Variants in ACYP2 observed in about 807,000 individuals in gnomAD.
ACYP2 encodes the protein acylphosphatase-2.
ACYP2 carries 12 observed loss-of-function variants against 11.2 expected under a neutral mutation model. The observed-to-expected ratio is 1.08, with a 90% confidence interval of 0.69 to 1.74. The LOEUF is 1.74. ACYP2 is among the 40% of genes most tolerant of loss of function. The pLI is 0.00. For synonymous variants in ACYP2, 43 were observed against 32.2 expected, an observed-to-expected ratio of 1.33 and a Z score of -1.13; for missense variants, 134 against 101.9, an observed-to-expected ratio of 1.31 and a Z score of -1.35.
chr2:54,207,171 ATATGTGTGTGTGTG>A (rs1685108047), intron 6 of ACYP2, among the ~76,000 whole-genome samples: 3 of 68,466 alleles, frequency 4.4e-5, no homozygotes, highest in African/African-American at 1.4e-4. Context: ...TACAACATGT[ATATGTGTGTGTGTG>A]TGTGTGTGTG....
chr2:54,286,605 G>A (rs843726), intron 6 of ACYP2, among the ~76,000 whole-genome samples: 37,837 of 151,964 alleles, frequency 0.25, 5,347 homozygotes, highest in Non-Finnish European at 0.31. Flanking sequence ...AAGATGATCC[G>A]TTTTTACACT....
intron 2 of ACYP2, among the ~76,000 whole-genome samples, chr2:54,035,265 C>CTTTTTTTT (rs895749612): frequency 4.0e-5 from 5 of 126,026 alleles, no homozygotes; most frequent in East Asian, 2.3e-4. Flanking sequence ...TTTTCTTTTT[C>CTTTTTTTT]TTTTTTTTTT....
intron 4 of ACYP2, 80 bp downstream of exon 1, chr2:54,115,836 A>G (rs1216745637): frequency 1.2e-5 from 17 of 1,411,338 alleles, no homozygotes; most frequent in East Asian, 2.9e-5. Context: ...CCTCCCACCT[A>G]AAGTATGCCT....
chr2:53,984,643 T>C (rs1307443472), intron 2 of ACYP2, among the ~76,000 whole-genome samples: 1 of 149,748 alleles, frequency 6.7e-6, no homozygotes, highest in Non-Finnish European at 1.5e-5. Flanking sequence ...ATATATAGCA[T>C]ATATATAAAA....
intron 6 of ACYP2, among the ~76,000 whole-genome samples, chr2:54,143,746 T>G (rs1681736825): frequency 8.2e-6 from 1 of 121,378 alleles, no homozygotes; most frequent in African/African-American, 3.4e-5. Flanking sequence ...TTTTTTTTTT[T>G]TTTTTTTTTT....
chr2:54,065,253 GA>G (rs1280199189), intron 4 of ACYP2, among the ~76,000 whole-genome samples: 2 of 152,168 alleles, frequency 1.3e-5, no homozygotes, highest in African/African-American at 4.8e-5. Context: ...GAAAGTTAAG[GA>G]AAAGAGAGGC....
At chr2:53,975,173 T>G in intron 2 of ACYP2, 2 of 385,326 alleles carry the variant, frequency 5.2e-6, no homozygotes, top group Non-Finnish European at 9.1e-6. Context: ...TGCAGTGAGC[T>G]GAGATCACAC....
chr2:54,042,311 TC>T (rs1353337622), intron 2 of ACYP2, among the ~76,000 whole-genome samples: 1 of 152,208 alleles, frequency 6.6e-6, no homozygotes. Context: ...CAGCCCAAAC[TC>T]ACTTTATTCT....
At chr2:54,043,481 A>C (rs562754582) in intron 2 of ACYP2, among the ~76,000 whole-genome samples, 2 of 152,188 alleles carry the variant, frequency 1.3e-5, no homozygotes, top group Non-Finnish European at 2.9e-5. Flanking sequence ...CTGACTTTCA[A>C]ATGCCCTGCA....
At chr2:54,067,284 A>G (rs553255419) in intron 4 of ACYP2, among the ~76,000 whole-genome samples, 2 of 152,296 alleles carry the variant, frequency 1.3e-5, no homozygotes, top group East Asian at 1.9e-4. Flanking sequence ...CTACATCTTC[A>G]TATTTTTTTC....
chr2:54,260,437 C>G (rs943836715), intron 6 of ACYP2, among the ~76,000 whole-genome samples: 1 of 152,084 alleles, frequency 6.6e-6, no homozygotes, highest in African/African-American at 2.4e-5. Context: ...GAATTTTTCT[C>G]CAGCCGCATT....
chr2:54,078,337 A>C (rs1416107517), intron 4 of ACYP2, among the ~76,000 whole-genome samples: 2 of 150,404 alleles, frequency 1.3e-5, no homozygotes, highest in Non-Finnish European at 3.0e-5. Flanking sequence ...CCCAATAAGA[A>C]GTGATATCTT....
chr2:54,139,925 C>T (rs1277517820), intron 6 of ACYP2, among the ~76,000 whole-genome samples: 2 of 152,100 alleles, frequency 1.3e-5, no homozygotes, highest in Non-Finnish European at 2.9e-5. Flanking sequence ...AATAGAATAC[C>T]TTGTGCATAT....
chr2:54,212,356 T>C (rs1021129474), intron 6 of ACYP2, among the ~76,000 whole-genome samples: 2 of 152,190 alleles, frequency 1.3e-5, no homozygotes, highest in African/African-American at 2.4e-5. Flanking sequence ...AAATTGCACA[T>C]AGAATTTCTG....
chr2:54,024,913 C>T (rs2104549065), intron 2 of ACYP2, among the ~76,000 whole-genome samples: 1 of 152,284 alleles, frequency 6.6e-6, no homozygotes, highest in South Asian at 2.1e-4. Flanking sequence ...AATCAGTGTA[C>T]ACAAACCAGT....
In ACYP2 at chr2:54,158,880, C is replaced by T. The variant is rs1045741524; in HGVS notation, c.404+20132C>T. Among the ~76,000 whole-genome samples the T allele has an allele frequency of 4.6e-5, 7 of 152,082 alleles. No individual in the cohort carries two copies. In the East Asian group the frequency reaches 5.8e-4, roughly 13 times the overall value. ...TAAATAAAATCACCCATAAACCTAC[C>T]GTTTGAAAACAAATTTGGACAATAT... is the stretch of plus-strand genomic sequence containing the variant. On this transcript the variant is annotated intron_variant, in intron 6 of 6. Transcript: ENST00000607452.
intron 6 of ACYP2, among the ~76,000 whole-genome samples, chr2:54,207,428 ACAC>A (rs1685122524): frequency 6.6e-6 from 1 of 152,124 alleles, no homozygotes; most frequent in Admixed American, 6.6e-5. Context: ...TGGTTGGGTG[ACAC>A]CCACCCACAT....
At chr2:54,231,174 C>A (rs1193621819) in intron 6 of ACYP2, among the ~76,000 whole-genome samples, 1 of 152,094 alleles carries the variant, frequency 6.6e-6, no homozygotes, top group Non-Finnish European at 1.5e-5. Context: ...ATGTCTCATG[C>A]CTTCCTAAAA....
At chr2:54,287,606 A>T (rs1490401441) in intron 6 of ACYP2, among the ~76,000 whole-genome samples, 3 of 151,948 alleles carry the variant, frequency 2.0e-5, no homozygotes, top group Non-Finnish European at 4.4e-5. Flanking sequence ...GATCCCTGTG[A>T]CAACACACAC....
Sources: gnomAD v4.1 joint callset for allele counts (sites outside exome capture counted in the v4.1 genomes callset) on GRCh38, gnomAD v4.1.1 for gene constraint, MANE v1.5 for transcripts, NCBI Gene and HGNC (gene_info 2026-07-23, HGNC 2026-07-21) for gene names.